ANO3: variants seen among roughly 807,000 people sequenced by gnomAD.
ANO3 encodes the protein anoctamin-3.
In ANO3, 99 loss-of-function variants were observed where a neutral mutation model predicts 144.8. That is an observed-to-expected ratio of 0.68 (90% CI 0.58 to 0.81). ANO3 has a LOEUF of 0.81. Among genes scored for constraint, ANO3 ranks in the 30% least tolerant of loss-of-function variants. The pLI is 0.00. For synonymous variants in ANO3, 414 were observed against 392.6 expected (o/e 1.05, Z -0.64); for missense variants, 905 against 1,202.2 (o/e 0.75, Z 3.66).
intron 1 of ANO3, among the ~76,000 whole-genome samples, chr11:26,358,048 C>A (rs1197056145): frequency 6.6e-6 from 1 of 152,054 alleles, no homozygotes; most frequent in East Asian, 1.9e-4. Context: ...ATCTTTATAA[C>A]AACTTCATAC....
chr11:26,247,323 G>A (rs150894797), intron 1 of ANO3, among the ~76,000 whole-genome samples: 17 of 152,254 alleles, frequency 1.1e-4, no homozygotes, highest in African/African-American at 3.6e-4. Context: ...GTCTCACAAC[G>A]TGCTATAATA....
At chr11:26,223,422 A>C (rs1274980743) in intron 1 of ANO3, among the ~76,000 whole-genome samples, 1 of 151,888 alleles carries the variant, frequency 6.6e-6, no homozygotes, top group Non-Finnish European at 1.5e-5. Context: ...ACCACTTAAC[A>C]AGTCTCTAGG....
At chr11:26,398,117 ACT>A (rs1857063248) in intron 1 of ANO3, among the ~76,000 whole-genome samples, 1 of 152,026 alleles carries the variant, frequency 6.6e-6, no homozygotes, top group Non-Finnish European at 1.5e-5. Context: ...AGGAGAAAAC[ACT>A]CTAAAAATAT....
At chr11:26,590,970 G>A (rs190169999) in intron 14 of ANO3, among the ~76,000 whole-genome samples, 157 of 152,180 alleles carry the variant, frequency 1.0e-3, no homozygotes, top group Admixed American at 2.0e-3. Context: ...GAATGCCTAG[G>A]GTTTATATCC....
At chr11:26,583,183 G>C (rs975190038) in intron 14 of ANO3, among the ~76,000 whole-genome samples, 3 of 152,168 alleles carry the variant, frequency 2.0e-5, no homozygotes, top group Non-Finnish European at 4.4e-5. Flanking sequence ...TTGAGTGAGA[G>C]TTCTCATTGT....
intron 1 of ANO3, among the ~76,000 whole-genome samples, chr11:26,407,070 G>GTATATATATATATATATATATATATATA (rs202060948): frequency 9.9e-6 from 1 of 101,340 alleles, no homozygotes; most frequent in African/African-American, 3.1e-5. Context: ...GTGTGTGTGT[G>GTATATATATATATATATATATATATATA]TGTGTGTATA....
chr11:26,522,323 A>G (rs1237630664), intron 6 of ANO3, among the ~76,000 whole-genome samples: 1 of 152,216 alleles, frequency 6.6e-6, no homozygotes, highest in Non-Finnish European at 1.5e-5. Flanking sequence ...AGGCCAATCT[A>G]TAAAATAGGA....
intron 4 of ANO3, among the ~76,000 whole-genome samples, chr11:26,493,764 C>A (rs775952868): frequency 6.6e-6 from 1 of 152,020 alleles, no homozygotes; most frequent in African/African-American, 2.4e-5. Flanking sequence ...CTTTCTCCTC[C>A]TCCTTCTTGT....
chr11:26,443,810 T>C lies in ANO3; in HGVS notation c.287T>C (p.Phe96Ser). Residue 96 changes from phenylalanine to serine, a missense_variant, in exon 3 of 27, where the codon TTT becomes TCT. Phe to Ser is a radical substitution (Grantham distance 155). Around this residue, in one of 4 missense-constraint regions of ANO3, gnomAD observed 174 missense variants for 171.9 expected, o/e 1.01. Coordinates refer to ENST00000256737, the MANE Select transcript of ANO3 (RefSeq NM_031418.4). ...AACGACTCTGTGCTGAGATGTTCAT[T>C]TGCTGACCTCAGCGATTTTTGTTTG... Reference protein sequence around the residue: ...NKNDSVLRCSFADLSDFCLAL... With the variant: ...NKNDSVLRCSSADLSDFCLAL... The C allele has an allele frequency of 6.2e-7, 1 of 1,612,302 alleles. No individual in the cohort carries two copies. The highest frequency in any genetic ancestry group is 8.5e-7 in the Non-Finnish European group (1 of 1,179,122).
chr11:26,552,488 A>T (rs1409441830), intron 12 of ANO3, among the ~76,000 whole-genome samples: 1 of 152,082 alleles, frequency 6.6e-6, no homozygotes, highest in African/African-American at 2.4e-5. Context: ...AGGGCCATGT[A>T]TGAGAGGAAA....
chr11:26,235,592 T>C (rs1010310613), intron 1 of ANO3, among the ~76,000 whole-genome samples: 1 of 126,540 alleles, frequency 7.9e-6, no homozygotes, highest in Admixed American at 8.0e-5. Context: ...TAACAATGTA[T>C]ACTTTTTTTT....
chr11:26,388,387 T>A (rs985654253), intron 1 of ANO3, among the ~76,000 whole-genome samples: 2 of 152,116 alleles, frequency 1.3e-5, no homozygotes, highest in Non-Finnish European at 2.9e-5. Context: ...GTATGCTTAC[T>A]GTCTTGGCTT....
chr11:26,446,127 TAA>T (rs1858695198), intron 3 of ANO3, among the ~76,000 whole-genome samples: 1 of 152,124 alleles, frequency 6.6e-6, no homozygotes, highest in Non-Finnish European at 1.5e-5. Flanking sequence ...CCACATAATA[TAA>T]GTGTTTTAAT....
At chr11:26,332,403 T>G in intron 1 of ANO3, 82 bp downstream of exon 1, 3 of 1,359,932 alleles carry the variant, frequency 2.2e-6, no homozygotes, top group Non-Finnish European at 1.1e-6. Flanking sequence ...GAGCATCCTT[T>G]GCAGGCTTAT....
intron 1 of ANO3, among the ~76,000 whole-genome samples, chr11:26,435,306 T>C (rs1455064238): frequency 6.6e-6 from 1 of 152,182 alleles, no homozygotes; most frequent in Admixed American, 6.5e-5. Context: ...CCTGATGGAG[T>C]TCCCTTTGTA....
At chr11:26,250,980 G>A (rs553689386) in intron 1 of ANO3, among the ~76,000 whole-genome samples, 2 of 152,252 alleles carry the variant, frequency 1.3e-5, no homozygotes, top group East Asian at 1.9e-4. Context: ...CATATCAGCT[G>A]TTTACCCTTG....
intron 1 of ANO3, among the ~76,000 whole-genome samples, chr11:26,220,932 G>T (rs1380358550): frequency 2.6e-5 from 4 of 152,170 alleles, no homozygotes; most frequent in African/African-American, 9.7e-5. Flanking sequence ...TACAGATAAA[G>T]ATGTGGCTCT....
intron 14 of ANO3, among the ~76,000 whole-genome samples, chr11:26,589,451 G>T (rs1851381915): frequency 6.7e-6 from 1 of 149,440 alleles, no homozygotes. Flanking sequence ...TAATTTATTG[G>T]AATATAATTT....
chr11:26,290,126 G>A (rs544372475), intron 1 of ANO3, among the ~76,000 whole-genome samples: 2 of 152,052 alleles, frequency 1.3e-5, no homozygotes, highest in South Asian at 2.1e-4. Context: ...ACTTCTTCCT[G>A]GTTTAGTCTT....
Sources: gnomAD v4.1 joint callset for allele counts (sites outside exome capture counted in the v4.1 genomes callset) on GRCh38, gnomAD v4.1.1 for gene constraint, gnomAD v4.1.1 regional missense constraint, MANE v1.5 for transcripts, NCBI Gene and HGNC (gene_info 2026-07-23, HGNC 2026-07-21) for gene names.